Variants in ATG2B observed in about 807,000 individuals in gnomAD.
ATG2B encodes the protein autophagy related 2B, also known as autophagy-related protein 2 homolog B.
ATG2B carries 121 observed loss-of-function variants against 241.3 expected under a neutral mutation model. The observed-to-expected ratio is 0.50, with a 90% confidence interval of 0.43 to 0.58. The LOEUF is 0.58. Ranked by LOEUF, ATG2B falls within the 20% of genes least tolerant of loss-of-function variation. ATG2B has a pLI of 0.00. For missense variants in ATG2B, 2,306 were observed against 2,491.6 expected, an observed-to-expected ratio of 0.93 and a Z score of 1.59; for synonymous variants, 858 against 876.6, an observed-to-expected ratio of 0.98 and a Z score of 0.37.
At chr14:96,362,432 T>A (rs1383367351) in intron 1 of ATG2B, among the ~76,000 whole-genome samples, 1 of 152,092 alleles carries the variant, frequency 6.6e-6, no homozygotes, top group Non-Finnish European at 1.5e-5. Flanking sequence ...TCATCCTTAA[T>A]CCTTCCAGAA....
intron 6 of ATG2B, among the ~76,000 whole-genome samples, chr14:96,335,091 T>G (rs979978663): frequency 3.9e-5 from 6 of 152,164 alleles, no homozygotes; most frequent in Non-Finnish European, 8.8e-5. Context: ...CTTTTCCAAC[T>G]CTTTGCCCAC....
chr14:96,329,190 T>C (rs1887664572), intron 12 of ATG2B, among the ~76,000 whole-genome samples: 1 of 152,210 alleles, frequency 6.6e-6, no homozygotes, highest in Admixed American at 6.5e-5. Context: ...AATAATCAAA[T>C]TCTTCTGAAA....
chr14:96,350,203 C>A (rs7156826), intron 1 of ATG2B, among the ~76,000 whole-genome samples: 1 of 152,162 alleles, frequency 6.6e-6, no homozygotes, highest in African/African-American at 2.4e-5. Context: ...AGCCACAGCA[C>A]GAGGAGAGAA....
intron 1 of ATG2B, among the ~76,000 whole-genome samples, chr14:96,357,137 T>C (rs1190819588): frequency 1.3e-5 from 2 of 152,084 alleles, no homozygotes; most frequent in Non-Finnish European, 2.9e-5. Context: ...CAATAAACAA[T>C]ATTTAGTCCT....
At chr14:96,297,681 G>A (rs1400294420) in intron 34 of ATG2B, among the ~76,000 whole-genome samples, 1 of 152,166 alleles carries the variant, frequency 6.6e-6, no homozygotes, top group Non-Finnish European at 1.5e-5. Flanking sequence ...ACAGGCGTGA[G>A]CCACCGCACC....
In ATG2B at chr14:96,313,419, T is replaced by C. The variant is rs773408265; in HGVS notation, c.3659A>G (p.Asn1220Ser). ...TCCCAAAACAGGTTCATCAGCAATA[T>C]TCAAGAAGTATAAAATCTATAATCA... ...SWHEQILYFL[N>S]IADEPVLGYN... The change falls in exon 24 of 42, where the codon AAT (asparagine) becomes AGT (serine). Residue 1220 changes from asparagine (N) to serine (S), a missense_variant. Physicochemically the swap from Asn to Ser is conservative, Grantham distance 46 (BLOSUM62 1). This residue lies in a region of ATG2B where 1,927 missense variants were observed against 2,011.2 expected (regional missense o/e 0.96). Transcript: ENST00000359933. The C allele has an allele frequency of 1.3e-6, 2 of 1,568,112 alleles. No homozygotes were observed. The highest frequency in any genetic ancestry group is 1.2e-5 in the South Asian group (1 of 83,028).
chr14:96,328,711 T>C lies in ATG2B; in HGVS notation c.1937A>G (p.Gln646Arg), dbSNP rs758446509. ...ATTCTCAGAATGCTTATAATGAAGC[T>C]GAAGACACACAGGGGAATGGGAACC... ...ETGSHSPVCL[Q>R]LHYKHSENRG... The change falls in exon 13 of 42, where the codon CAG becomes CGG. Residue 646 changes from glutamine (Q) to arginine (R), a missense_variant. Coordinates refer to ENST00000359933, the MANE Select transcript of ATG2B (RefSeq NM_018036.7). 1 of 1,612,328 alleles carries C rather than the reference T, an allele frequency of 6.2e-7. No individual in the cohort carries two copies. Among genetic ancestry groups the C allele is most frequent in the South Asian group, 1.1e-5 (1 of 90,390 alleles).
chr14:96,307,240 T>C (rs1886975286), intron 29 of ATG2B, among the ~76,000 whole-genome samples: 1 of 151,836 alleles, frequency 6.6e-6, no homozygotes, highest in Non-Finnish European at 1.5e-5. Context: ...GATGAAACCC[T>C]GTCTCTACTA....
intron 2 of ATG2B, among the ~76,000 whole-genome samples, chr14:96,346,038 C>G (rs1179265333): frequency 6.6e-6 from 1 of 152,060 alleles, no homozygotes; most frequent in African/African-American, 2.4e-5. Flanking sequence ...TATTGAATGT[C>G]AACAGAAAAC....
At position 96,333,829 on chromosome 14, in the gene ATG2B, G is replaced by A. The variant is rs775509366; in HGVS notation, c.1066C>T (p.Arg356Ter). The A allele has an allele frequency of 6.8e-6, 11 of 1,613,554 alleles. No homozygotes were observed. The highest frequency in any genetic ancestry group is 2.2e-5 in the South Asian group (2 of 91,060). The change falls in exon 8 of 42, where the codon CGA becomes TGA. Residue 356 changes from arginine to a stop codon, truncating the protein, a stop_gained. Coordinates refer to ENST00000359933, the MANE Select transcript of ATG2B (RefSeq NM_018036.7). LOFTEE classifies it high-confidence loss of function. ...IGLANKDRKN[R>*]PMQQEDEYRI... ...TACTCGTCTTCCTGCTGCATGGGTC[G>A]ATTTTTCCTATCTTTATTAGCTAAC...
chr14:96,315,720 A>T (rs995315360), intron 21 of ATG2B, 137 bp from the exon 22 acceptor site: 3 of 657,378 alleles, frequency 4.6e-6, no homozygotes, highest in Admixed American at 2.8e-5. Flanking sequence ...AAAAACCAGC[A>T]TGGCATTAAT....
intron 6 of ATG2B, among the ~76,000 whole-genome samples, chr14:96,337,275 C>G (rs1048264385): frequency 6.6e-6 from 1 of 152,144 alleles, no homozygotes; most frequent in African/African-American, 2.4e-5. Context: ...TTAATTAAAA[C>G]TACGTTTTAT....
intron 1 of ATG2B, 100 bp from the exon 2 acceptor site, chr14:96,347,441 T>C (rs987426063): frequency 5.7e-6 from 5 of 877,298 alleles, no homozygotes; most frequent in South Asian, 5.4e-5. Context: ...TGTTAGGCAC[T>C]AGGTATAAAG....
In ATG2B at chr14:96,290,302, A is replaced by G; in HGVS notation, c.5856+134T>C. The G allele has an allele frequency of 7.7e-7, 1 of 1,296,530 alleles. No homozygotes were observed. The highest frequency in any genetic ancestry group is 1.0e-6 in the Non-Finnish European group (1 of 959,072). 80.3% of individuals were successfully genotyped at this position (1,296,530 alleles called of 1,614,324 possible). A position where few individuals can be genotyped will look rare whatever the true frequency, so the allele number is the denominator to read the frequency against. On this transcript the variant is annotated intron_variant, in intron 40 of 41. Transcript: ENST00000359933. The surrounding 1 kb of genome is among the most constrained non-coding windows in gnomAD (Gnocchi z 4.4). The stretch of plus-strand genomic sequence containing the variant: ...ACATTTAAGCAATAAAACAAGCATG[A>G]CATTAAATCACTACGAATAAAGTAT...
intron 32 of ATG2B, among the ~76,000 whole-genome samples, chr14:96,303,576 T>C (rs1430641969): frequency 6.6e-6 from 1 of 152,196 alleles, no homozygotes; most frequent in East Asian, 1.9e-4. Flanking sequence ...TATAGTGTTA[T>C]AATTATTCTA....
intron 34 of ATG2B, 150 bp downstream of exon 34, chr14:96,301,857 C>G (rs1886800043): frequency 3.3e-6 from 2 of 603,114 alleles, no homozygotes; most frequent in Non-Finnish European, 5.8e-6. Flanking sequence ...TTCCAAACAT[C>G]TAATGAATTT....
In ATG2B at chr14:96,325,834, T is replaced by A; in HGVS notation, c.2252A>T (p.Asn751Ile). The A allele has an allele frequency of 6.2e-7, 1 of 1,614,012 alleles. No homozygotes were observed. The highest frequency in any genetic ancestry group is 1.7e-5 in the Admixed American group (1 of 59,990). Reference sequence around the variant, plus strand: ...AGGTATTGGGAAGCGAACAGAAAGGTTTAATGCTGGTGTGGCAACTTGTAC... The same window carrying A: ...AGGTATTGGGAAGCGAACAGAAAGGATTAATGCTGGTGTGGCAACTTGTAC... ...ISVQVATPALNLSVRFPIPDL... is the reference protein window; with the variant it reads ...ISVQVATPALILSVRFPIPDL... The change falls in exon 15 of 42, where the codon AAC becomes ATC. Residue 751 changes from asparagine to isoleucine, a missense_variant. This residue lies in a region of ATG2B where 1,927 missense variants were observed against 2,011.2 expected (regional missense o/e 0.96). Coordinates refer to ENST00000359933, the MANE Select transcript of ATG2B (RefSeq NM_018036.7).
At chr14:96,336,561 A>C (rs917570696) in intron 6 of ATG2B, among the ~76,000 whole-genome samples, 1 of 152,202 alleles carries the variant, frequency 6.6e-6, no homozygotes, top group Non-Finnish European at 1.5e-5. Context: ...ATGTATACAT[A>C]ATGTTTTATT....
In ATG2B at chr14:96,313,226, C is replaced by T. The variant is rs897318512; in HGVS notation, c.3750-69G>A. ...CCAGAAACTCTATTAAAAACAACAACAACAACAACAATTTGAACCTTAACT... is the reference window on the plus strand; with the variant it reads ...CCAGAAACTCTATTAAAAACAACAATAACAACAACAATTTGAACCTTAACT... On this transcript the variant is annotated intron_variant, in intron 24 of 41. Transcript: ENST00000359933. The T allele has an allele frequency of 5.8e-6, 8 of 1,387,936 alleles. No homozygotes were observed. In the East Asian group the frequency reaches 1.2e-4, roughly 20 times the overall value. 86.0% of individuals were successfully genotyped at this position (1,387,936 alleles called of 1,614,324 possible).
Sources: gnomAD v4.1 joint callset for allele counts (sites outside exome capture counted in the v4.1 genomes callset) on GRCh38, gnomAD v4.1.1 for gene constraint, gnomAD v4.1.1 regional missense constraint, Gnocchi (gnomAD v3.1) non-coding constraint, MANE v1.5 for transcripts, NCBI Gene and HGNC (gene_info 2026-07-23, HGNC 2026-07-21) for gene names.